The following GRIA4 variants were observed in gnomAD, a reference collection of about 807,000 sequenced individuals.
The protein encoded by GRIA4 is glutamate ionotropic receptor AMPA type subunit 4, also known as glutamate receptor 4.
In GRIA4, 34 loss-of-function variants were observed where a neutral mutation model predicts 104.0. The ratio of observed to expected loss-of-function variants is 0.33; its 90% CI spans 0.25 to 0.44. The LOEUF (loss-of-function observed/expected upper bound fraction) is 0.44. Ranked by LOEUF, GRIA4 falls within the 20% of genes least tolerant of loss-of-function variation. GRIA4 has a pLI of 1.00. For missense variants in GRIA4, 750 were observed against 1,096.5 expected, an observed-to-expected ratio of 0.68 and a Z score of 4.46; for synonymous variants, 386 against 381.9, an observed-to-expected ratio of 1.01 and a Z score of -0.13.
At chr11:105,627,582 T>C (rs148128914) in intron 3 of GRIA4, among the ~76,000 whole-genome samples, 3 of 152,340 alleles carry the variant, frequency 2.0e-5, no homozygotes, top group African/African-American at 7.2e-5. Context: ...AATGTTATTT[T>C]GTTACTTCAG....
At chr11:105,611,238 G>C (rs1046772554) in intron 2 of GRIA4, among the ~76,000 whole-genome samples, 153 bp downstream of exon 2, 2 of 151,934 alleles carry the variant, frequency 1.3e-5, no homozygotes, top group African/African-American at 4.8e-5. Flanking sequence ...TTTGCAAAAA[G>C]ACTTCCTCTT....
chr11:105,915,068 A>G (rs547105307), intron 10 of GRIA4, among the ~76,000 whole-genome samples: 1 of 152,164 alleles, frequency 6.6e-6, no homozygotes, highest in Admixed American at 6.6e-5. Flanking sequence ...ACTCTTTTGG[A>G]CTTGACATGA....
rs182212515 is a variant in GRIA4, at chr11:105,734,686, T to C, written c.248-18295T>C. Among the ~76,000 whole-genome samples, 8 of 152,280 alleles carry C rather than the reference T, an allele frequency of 5.3e-5. No homozygotes were observed. In the East Asian group the frequency reaches 1.2e-3, roughly 22 times the overall value. ...CCTCCCTCTCAGACACCAAACAAAA[T>C]TGTTCAGCTTCTTTATAGCACTTTG... On this transcript the variant is annotated intron_variant, in intron 3 of 16. Transcript: ENST00000282499.
intron 3 of GRIA4, among the ~76,000 whole-genome samples, chr11:105,670,671 G>A (rs943585988): frequency 1.4e-4 from 22 of 152,166 alleles, no homozygotes; most frequent in African/African-American, 4.6e-4. Context: ...AAGCTGAACT[G>A]GTAGTAACTA....
At chr11:105,877,539 G>C (rs1046733551) in intron 5 of GRIA4, among the ~76,000 whole-genome samples, 2 of 152,090 alleles carry the variant, frequency 1.3e-5, no homozygotes, top group Non-Finnish European at 2.9e-5. Flanking sequence ...TCACTTTCAG[G>C]TACACCAATC....
intron 14 of GRIA4, among the ~76,000 whole-genome samples, 165 bp from the exon 15 acceptor site, chr11:105,971,749 C>T (rs920589948): frequency 6.6e-6 from 1 of 152,170 alleles, no homozygotes. Flanking sequence ...AGCGATGGAG[C>T]AGGCCCCAGT....
intron 4 of GRIA4, among the ~76,000 whole-genome samples, chr11:105,760,344 T>G (rs150583652): frequency 7.9e-4 from 121 of 152,230 alleles, no homozygotes; most frequent in African/African-American, 2.8e-3. Context: ...ACTGCTGCCC[T>G]TGTTCTAGGA....
At chr11:105,655,461 T>C (rs1951816009) in intron 3 of GRIA4, among the ~76,000 whole-genome samples, 1 of 152,038 alleles carries the variant, frequency 6.6e-6, no homozygotes, top group Non-Finnish European at 1.5e-5. Flanking sequence ...CTACATTAGG[T>C]ATTTCTTCTA....
At chr11:105,710,348 C>T (rs1206587746) in intron 3 of GRIA4, among the ~76,000 whole-genome samples, 2 of 152,030 alleles carry the variant, frequency 1.3e-5, no homozygotes, top group South Asian at 4.1e-4. Flanking sequence ...GTAATGGCCT[C>T]AGGTATGTCA....
At chr11:105,864,421 CA>C (rs1298498056) in intron 5 of GRIA4, among the ~76,000 whole-genome samples, 1 of 152,032 alleles carries the variant, frequency 6.6e-6, no homozygotes, top group Admixed American at 6.6e-5. Context: ...AAAACAATTT[CA>C]AAAAACCAAC....
At chr11:105,673,459 G>A (rs896716930) in intron 3 of GRIA4, among the ~76,000 whole-genome samples, 1 of 152,116 alleles carries the variant, frequency 6.6e-6, no homozygotes. Context: ...ATCCAGATCA[G>A]TTATCCGAAC....
intron 13 of GRIA4, 33 bp from the exon 14 acceptor site, chr11:105,933,689 T>C: frequency 6.8e-7 from 1 of 1,471,502 alleles, no homozygotes; most frequent in Non-Finnish European, 9.2e-7. Context: ...TTCCCTTCTT[T>C]CCTGTATTTA....
At chr11:105,959,267 C>T (rs1252627645) in intron 14 of GRIA4, among the ~76,000 whole-genome samples, 3 of 152,082 alleles carry the variant, frequency 2.0e-5, no homozygotes, top group African/African-American at 7.2e-5. Flanking sequence ...TAGGTTCTGT[C>T]CTTTTATGAA....
At chr11:105,657,214 A>G (rs894280596) in intron 3 of GRIA4, among the ~76,000 whole-genome samples, 3 of 152,010 alleles carry the variant, frequency 2.0e-5, no homozygotes, top group Admixed American at 2.0e-4. Context: ...ATTGTTGATT[A>G]ATATAACCTT....
At chr11:105,805,478 G>GAAAAAAAAAAA (rs57123559) in intron 4 of GRIA4, among the ~76,000 whole-genome samples, 4 of 92,472 alleles carry the variant, frequency 4.3e-5, no homozygotes, top group African/African-American at 9.0e-5. Context: ...AAGAAATCAG[G>GAAAAAAAAAAA]AAAAAAAAAA....
chr11:105,803,504 T>C (rs1031733897), intron 4 of GRIA4, among the ~76,000 whole-genome samples: 2 of 151,956 alleles, frequency 1.3e-5, no homozygotes, highest in African/African-American at 4.8e-5. Context: ...TTATTAATTA[T>C]ACATATTAAT....
chr11:105,700,883 C>T (rs1953465194), intron 3 of GRIA4, among the ~76,000 whole-genome samples: 1 of 152,152 alleles, frequency 6.6e-6, no homozygotes, highest in South Asian at 2.1e-4. Flanking sequence ...AACTCCAAAT[C>T]TATATTGACT....
chr11:105,959,431 T>G (rs937280525), intron 14 of GRIA4, among the ~76,000 whole-genome samples: 6 of 152,230 alleles, frequency 3.9e-5, no homozygotes, highest in Non-Finnish European at 7.3e-5. Flanking sequence ...AAAGTTCTCA[T>G]GCTGTGTTTT....
chr11:105,752,902 A>T, intron 3 of GRIA4, 79 bp from the exon 4 acceptor site: 1 of 1,334,394 alleles, frequency 7.5e-7, no homozygotes, highest in Non-Finnish European at 1.0e-6. Context: ...TTATTTTTTT[A>T]ATTTTCTAGA....
Sources: gnomAD v4.1 joint callset for allele counts (sites outside exome capture counted in the v4.1 genomes callset) on GRCh38, gnomAD v4.1.1 for gene constraint, MANE v1.5 for transcripts, NCBI Gene and HGNC (gene_info 2026-07-23, HGNC 2026-07-21) for gene names.